The following CFAP58 variants were observed in gnomAD, a reference collection of about 807,000 sequenced individuals.
CFAP58 encodes the protein cilia- and flagella-associated protein 58.
CFAP58 carries 88 observed loss-of-function variants against 119.5 expected under a neutral mutation model. The observed-to-expected ratio is 0.74, with a 90% CI of 0.62 to 0.88. The LOEUF is 0.88. Among genes scored for constraint, CFAP58 ranks in the 40% least tolerant of loss-of-function variants. CFAP58 has a pLI of 0.00. For missense variants in CFAP58, 990 were observed against 1,021.2 expected (o/e 0.97, Z 0.42); for synonymous variants, 365 against 366.3 (o/e 1.00, Z 0.04).
chr10:104,342,483 G>A, the CFAP58 span, among the ~76,000 whole-genome samples: 1 of 151,968 alleles, frequency 6.6e-6, no homozygotes, highest in East Asian at 1.9e-4. Flanking sequence ...GAAAGTAGAT[G>A]GAATGTTCTT....
chr10:104,454,487 C>T lies in CFAP58; in HGVS notation c.2576C>T (p.Thr859Ile). ...LMVKPNGPGFTGGGFPLRSTK... is the reference protein window; with the variant it reads ...LMVKPNGPGFIGGGFPLRSTK... The stretch of plus-strand genomic sequence containing the variant: ...GTCAAACCAAATGGTCCTGGTTTTA[C>T]TGGGGGCGGATTTCCTCTCAGGTCA... The change falls in exon 18 of 18, where the codon ACT (threonine) becomes ATT (isoleucine). Residue 859 changes from threonine (T) to isoleucine (I), a missense_variant. Physicochemically the swap from Thr to Ile is moderately conservative, Grantham distance 89. Coordinates refer to ENST00000369704, the MANE Select transcript of CFAP58 (RefSeq NM_001008723.2). 1.2e-6 allele frequency: 2 copies of T among 1,613,924 alleles called. No homozygotes were observed. Among genetic ancestry groups the T allele is most frequent in the East Asian group, 2.2e-5 (1 of 44,872 alleles).
chr10:104,360,263 T>C (rs1271727301), intron 2 of CFAP58, among the ~76,000 whole-genome samples: 1 of 152,184 alleles, frequency 6.6e-6, no homozygotes, highest in Non-Finnish European at 1.5e-5. Flanking sequence ...GGTCACCACA[T>C]TGCATTAAAG....
chr10:104,376,959 G>C, intron 8 of CFAP58, 66 bp downstream of exon 8: 1 of 1,280,292 alleles, frequency 7.8e-7, no homozygotes. Flanking sequence ...TCTGGCTATA[G>C]CCAGTTGGAT....
intron 15 of CFAP58, among the ~76,000 whole-genome samples, chr10:104,418,011 G>GA (rs915962190): frequency 6.6e-6 from 1 of 152,084 alleles, no homozygotes; most frequent in Non-Finnish European, 1.5e-5. Flanking sequence ...TAAGTGATTA[G>GA]AAAAAAATCA....
chr10:104,385,689 A>G (rs1198841100), intron 9 of CFAP58, among the ~76,000 whole-genome samples: 2 of 152,134 alleles, frequency 1.3e-5, no homozygotes, highest in African/African-American at 4.8e-5. Context: ...AGAAGAGGGC[A>G]GAGAATAGAA....
intron 15 of CFAP58, among the ~76,000 whole-genome samples, chr10:104,421,103 T>C (rs1323098067): frequency 2.0e-5 from 3 of 152,154 alleles, no homozygotes; most frequent in African/African-American, 7.2e-5. Context: ...TGAGACATCT[T>C]AAACGTCAGA....
Position 104,404,321 on chromosome 10 carries a change from T to G in CFAP58, c.2151+481T>G, listed in dbSNP as rs1589924019. On this transcript the variant is annotated intron_variant, in intron 14 of 17. Coordinates refer to ENST00000369704, the MANE Select transcript of CFAP58 (RefSeq NM_001008723.2). ...TAGCCAAGCCCTTTCTCTTAGAATC[T>G]GGGGACACAGCTAAAGTCCCATTGG... Among the ~76,000 whole-genome samples, 3 of 152,356 alleles carry G rather than the reference T, an allele frequency of 2.0e-5. No individual in the cohort carries two copies. In the East Asian group the frequency reaches 5.8e-4, roughly 29 times the overall value.
the CFAP58 span, among the ~76,000 whole-genome samples, chr10:104,344,528 G>A: frequency 4.6e-5 from 7 of 152,262 alleles, no homozygotes; most frequent in East Asian, 1.4e-3. Flanking sequence ...TGTGGCCCGT[G>A]AAGCCCAAAA....
intron 15 of CFAP58, 49 bp from the exon 16 acceptor site, chr10:104,447,649 T>C: frequency 6.2e-7 from 1 of 1,602,014 alleles, no homozygotes. Context: ...GCATTTTCCC[T>C]GTTTTGACGG....
chr10:104,371,665 G>A (rs901517722), intron 7 of CFAP58, among the ~76,000 whole-genome samples: 1 of 152,168 alleles, frequency 6.6e-6, no homozygotes, highest in Admixed American at 6.5e-5. Context: ...GTGGTTGGGG[G>A]TGAAATAAGT....
the CFAP58 span, among the ~76,000 whole-genome samples, chr10:104,347,403 T>C: frequency 6.6e-6 from 1 of 152,102 alleles, no homozygotes; most frequent in African/African-American, 2.4e-5. Flanking sequence ...GAATAAAATA[T>C]GCCCCCAACA....
At chr10:104,374,058 TTAAA>T (rs1245387556) in intron 7 of CFAP58, among the ~76,000 whole-genome samples, 2 of 152,126 alleles carry the variant, frequency 1.3e-5, no homozygotes, top group African/African-American at 2.4e-5. Flanking sequence ...AGAGATTAAA[TTAAA>T]TAAAAGTTAA....
chr10:104,438,939 C>T (rs1469376232), intron 15 of CFAP58, among the ~76,000 whole-genome samples: 2 of 152,142 alleles, frequency 1.3e-5, no homozygotes, highest in African/African-American at 4.8e-5. Context: ...TGAACAGAAA[C>T]ACACAATAAC....
intron 3 of CFAP58, among the ~76,000 whole-genome samples, chr10:104,362,672 C>A (rs2014687422): frequency 6.6e-6 from 1 of 152,180 alleles, no homozygotes; most frequent in African/African-American, 2.4e-5. Context: ...AGTGCTACTG[C>A]CTTGGTTCAG....
At chr10:104,345,126 G>A in the CFAP58 span, among the ~76,000 whole-genome samples, 2 of 151,306 alleles carry the variant, frequency 1.3e-5, no homozygotes, top group African/African-American at 2.4e-5. Flanking sequence ...CAGCCTGGGC[G>A]ACAGAGTGAG....
rs11192066 is a variant in CFAP58 at position 104,450,222 on chromosome 10, G to A, written c.2510+18G>A. 7.3e-3 allele frequency: 11,790 copies of A among 1,610,084 alleles called. 60 individuals carry two copies. The highest frequency in any genetic ancestry group is 8.7e-3 in the Non-Finnish European group (10,297 of 1,178,742). ...CTTCAAAAGTAAGAATTAGTCAAAC[G>A]TCCTAATTTTGTTGTGCCTATTATC... On this transcript the variant is annotated intron_variant, in intron 17 of 17. Transcript: ENST00000369704.
chr10:104,448,925 G>A (rs2013151512), intron 16 of CFAP58, among the ~76,000 whole-genome samples: 1 of 152,234 alleles, frequency 6.6e-6, no homozygotes, highest in African/African-American at 2.4e-5. Context: ...TTCACACAGA[G>A]CTCCGGGTTG....
chr10:104,365,885 A>G lies in CFAP58; in HGVS notation c.669A>G (p.Lys223=), dbSNP rs986251634. The G allele has an allele frequency of 1.9e-6, 3 of 1,613,604 alleles. No homozygotes were observed. The highest frequency in any genetic ancestry group is 2.5e-6 in the Non-Finnish European group (3 of 1,179,792). Residue 223 remains lysine (K), a synonymous_variant, in exon 5 of 18, where the codon AAA becomes AAG. Transcript: ENST00000369704. ...TCCGGAAGAAGGAAAAACTAGAGAA[A>G]GAGCTCAAGCAGATTCAGGCAGACA... The part of the protein sequence containing the change: ...REFRKKEKLE[K]ELKQIQADMD...
At chr10:104,397,412 T>C (rs565639530) in intron 11 of CFAP58, among the ~76,000 whole-genome samples, 8 of 152,216 alleles carry the variant, frequency 5.3e-5, no homozygotes, top group Non-Finnish European at 8.8e-5. Flanking sequence ...TAGTACCTGG[T>C]TGCATTCAGT....
Sources: gnomAD v4.1 joint callset for allele counts (sites outside exome capture counted in the v4.1 genomes callset) on GRCh38, gnomAD v4.1.1 for gene constraint, MANE v1.5 for transcripts, NCBI Gene and HGNC (gene_info 2026-07-23, HGNC 2026-07-21) for gene names.